BICD1: variants seen among roughly 807,000 people sequenced by gnomAD.
BICD1 encodes protein bicaudal D homolog 1.
A neutral mutation model predicts 92.5 loss-of-function variants in BICD1; 35 were observed. The ratio of observed to expected loss-of-function variants is 0.38; its 90% confidence interval spans 0.29 to 0.50. The LOEUF is 0.50. BICD1 is among the 20% of genes least tolerant of loss of function. The pLI is 0.93. For synonymous variants in BICD1, 429 were observed against 465.1 expected, an observed-to-expected ratio of 0.92 and a Z score of 1.00; for missense variants, 950 against 1,189.8, an observed-to-expected ratio of 0.80 and a Z score of 2.97.
intron 2 of BICD1, among the ~76,000 whole-genome samples, chr12:32,228,985 C>G (rs113278920): frequency 0.01 from 1,554 of 152,184 alleles, 20 homozygotes; most frequent in African/African-American, 0.033. Flanking sequence ...CACCTGGGAT[C>G]ACGCCTGTAA....
At chr12:32,194,150 T>G (rs1169996934) in intron 1 of BICD1, among the ~76,000 whole-genome samples, 3 of 152,168 alleles carry the variant, frequency 2.0e-5, no homozygotes, top group African/African-American at 7.2e-5. Flanking sequence ...ATATTCAACA[T>G]CCTTTCATGA....
chr12:32,140,660 C>T (rs1204598078), intron 1 of BICD1, among the ~76,000 whole-genome samples: 3 of 152,086 alleles, frequency 2.0e-5, no homozygotes. Flanking sequence ...TTATTTTCTA[C>T]GCGCACCGTA....
At chr12:32,314,761 GTTT>G (rs57360088) in intron 4 of BICD1, among the ~76,000 whole-genome samples, 1 of 147,082 alleles carries the variant, frequency 6.8e-6, no homozygotes, top group Admixed American at 6.8e-5. Context: ...GTACAAAGGA[GTTT>G]TTTTTTTTTT....
At chr12:32,234,038 CT>C (rs1945983300) in intron 2 of BICD1, among the ~76,000 whole-genome samples, 1 of 152,056 alleles carries the variant, frequency 6.6e-6, no homozygotes, top group Non-Finnish European at 1.5e-5. Flanking sequence ...TTATATATAC[CT>C]CAAATTACAC....
At chr12:32,214,810 A>G (rs1322603906) in intron 1 of BICD1, among the ~76,000 whole-genome samples, 1 of 152,038 alleles carries the variant, frequency 6.6e-6, no homozygotes, top group African/African-American at 2.4e-5. Flanking sequence ...TTTACTTGTA[A>G]TACAGCTAGG....
chr12:32,311,322 C>G (rs1038637371), intron 4 of BICD1, among the ~76,000 whole-genome samples: 8 of 151,580 alleles, frequency 5.3e-5, no homozygotes, highest in Admixed American at 5.3e-4. Context: ...ATGGTGAAAC[C>G]CCATCTCTAC....
At chr12:32,298,174 C>A (rs374673089) in intron 3 of BICD1, among the ~76,000 whole-genome samples, 217 of 138,416 alleles carry the variant, frequency 1.6e-3, no homozygotes, top group African/African-American at 4.9e-3. Context: ...TAGAGTGAGA[C>A]CCTGTCTCAA....
intron 7 of BICD1, 126 bp from the exon 8 acceptor site, chr12:32,338,660 A>G: frequency 1.3e-6 from 1 of 786,148 alleles, no homozygotes; most frequent in Non-Finnish European, 1.9e-6. Flanking sequence ...AAGCAAAAAG[A>G]TTGATTTACA....
chr12:32,344,882 A>G (rs1416659979), intron 8 of BICD1, among the ~76,000 whole-genome samples: 1 of 152,180 alleles, frequency 6.6e-6, no homozygotes, highest in Non-Finnish European at 1.5e-5. Flanking sequence ...GAAACCTGTA[A>G]TCTCTTAGGC....
intron 1 of BICD1, among the ~76,000 whole-genome samples, chr12:32,210,176 T>C (rs1461652497): frequency 6.6e-6 from 1 of 152,172 alleles, no homozygotes; most frequent in Non-Finnish European, 1.5e-5. Context: ...CCTAAAGCAG[T>C]GCCTGACATA....
intron 1 of BICD1, among the ~76,000 whole-genome samples, chr12:32,197,607 T>G (rs1944763113): frequency 1.3e-5 from 2 of 152,228 alleles, no homozygotes; most frequent in South Asian, 4.1e-4. Context: ...GAGAACAATT[T>G]CCTTGACAAC....
At chr12:32,279,339 A>G (rs544213459) in intron 2 of BICD1, among the ~76,000 whole-genome samples, 26 of 152,358 alleles carry the variant, frequency 1.7e-4, no homozygotes, top group Non-Finnish European at 3.8e-4. Context: ...ATTAAAAATC[A>G]TTCAATTGTA....
chr12:32,171,988 C>CACACATAT (rs1555141634), intron 1 of BICD1, among the ~76,000 whole-genome samples: 11 of 132,536 alleles, frequency 8.3e-5, no homozygotes, highest in South Asian at 4.9e-4. Context: ...CACACACACA[C>CACACATAT]ACTAAAACTG....
At chr12:32,289,830 C>G (rs1002294646) in intron 2 of BICD1, among the ~76,000 whole-genome samples, 2 of 152,200 alleles carry the variant, frequency 1.3e-5, no homozygotes, top group African/African-American at 4.8e-5. Context: ...AGGCAAGAAA[C>G]AGAAGCCCAT....
intron 4 of BICD1, among the ~76,000 whole-genome samples, chr12:32,325,087 C>T (rs1038186080): frequency 2.0e-5 from 3 of 151,794 alleles, no homozygotes; most frequent in Admixed American, 2.0e-4. Context: ...AATGCTTCTG[C>T]CTCAGCCCCT....
In BICD1 at chr12:32,294,161, A is replaced by C; in HGVS notation, c.579+15A>C. 2.5e-6 allele frequency: 4 copies of C among 1,579,558 alleles called. No homozygotes were observed. The highest frequency in any genetic ancestry group is 3.4e-6 in the Non-Finnish European group (4 of 1,168,946). The stretch of plus-strand genomic sequence containing the variant: ...AGCAGAACCAGGTAAGGTTTAAGAA[A>C]TTTTTTGTTATACTGAAGATGGATC... On this transcript the variant is annotated intron_variant, in intron 3 of 9. Transcript: ENST00000652176.
At chr12:32,333,016 G>C (rs1937946575) in intron 5 of BICD1, 1 of 985,262 alleles carries the variant, frequency 1.0e-6, no homozygotes. Context: ...CAAAACTGAG[G>C]CTTTGGGGTA....
chr12:32,192,858 A>T (rs1362147031), intron 1 of BICD1, among the ~76,000 whole-genome samples: 1 of 152,230 alleles, frequency 6.6e-6, no homozygotes, highest in Non-Finnish European at 1.5e-5. Context: ...GAGAGCTAGA[A>T]TTAGAAGTGA....
At position 32,226,618 on chromosome 12, in the gene BICD1, C is replaced by A. The variant is rs530928247; in HGVS notation, c.426+10159C>A. ...GGGAGAGTGCAGGCTGAGTGGCCAG[C>A]AGGCCATGGGCATCCCACAGGGCCA... On this transcript the variant is annotated intron_variant, in intron 2 of 9. Transcript: ENST00000652176. Among the ~76,000 whole-genome samples, 3 of 152,294 alleles carry A rather than the reference C, an allele frequency of 2.0e-5. No individual in the cohort carries two copies. The South Asian group carries it at 6.2e-4, about 32-fold the overall frequency.
Sources: gnomAD v4.1 joint callset for allele counts (sites outside exome capture counted in the v4.1 genomes callset) on GRCh38, gnomAD v4.1.1 for gene constraint, MANE v1.5 for transcripts, NCBI Gene and HGNC (gene_info 2026-07-23, HGNC 2026-07-21) for gene names.